PLEKHA5: variants seen among roughly 807,000 people sequenced by gnomAD.
PLEKHA5 encodes pleckstrin homology domain containing A5, also known as pleckstrin homology domain-containing family A member 5.
In PLEKHA5, 55 loss-of-function variants were observed where a neutral mutation model predicts 181.9. The ratio of observed to expected loss-of-function variants is 0.30; its 90% CI spans 0.24 to 0.38. The LOEUF is 0.38. Among genes scored for constraint, PLEKHA5 ranks in the 10% least tolerant of loss-of-function variants. PLEKHA5 has a pLI of 1.00. For missense variants in PLEKHA5, 1,432 were observed against 1,549.5 expected, an observed-to-expected ratio of 0.92 and a Z score of 1.27; for synonymous variants, 535 against 529.4, an observed-to-expected ratio of 1.01 and a Z score of -0.15.
At chr12:19,344,951 A>G (rs1389534235) in intron 22 of PLEKHA5, among the ~76,000 whole-genome samples, 5 of 150,836 alleles carry the variant, frequency 3.3e-5, no homozygotes, top group Admixed American at 6.6e-5. Flanking sequence ...TCTACTGAAA[A>G]AAAAAAAAAA....
intron 3 of PLEKHA5, among the ~76,000 whole-genome samples, chr12:19,236,079 A>G (rs1388109126): frequency 2.6e-5 from 4 of 152,210 alleles, no homozygotes; most frequent in African/African-American, 9.6e-5. Context: ...TGACATGGAA[A>G]CCTGTCCACA....
At chr12:19,280,460 T>C (rs866622296) in intron 11 of PLEKHA5, among the ~76,000 whole-genome samples, 1 of 152,268 alleles carries the variant, frequency 6.6e-6, no homozygotes, top group South Asian at 2.1e-4. Flanking sequence ...AAGAGTATGG[T>C]CAAATGATTT....
At chr12:19,331,680 C>G (rs1035352012) in intron 20 of PLEKHA5, among the ~76,000 whole-genome samples, 1 of 152,066 alleles carries the variant, frequency 6.6e-6, no homozygotes, top group East Asian at 1.9e-4. Context: ...TAGAAGTAAG[C>G]ACTATTAAAA....
At chr12:19,167,695 A>G (rs1306723164) in intron 3 of PLEKHA5, among the ~76,000 whole-genome samples, 1 of 152,028 alleles carries the variant, frequency 6.6e-6, no homozygotes, top group Non-Finnish European at 1.5e-5. Flanking sequence ...TGGTCGTTGT[A>G]CTTATGGAGT....
rs556729755 is a variant in PLEKHA5 at position 19,343,464 on chromosome 12, C to G, written c.2662+30C>G. The G allele has an allele frequency of 1.2e-3, 1,422 of 1,223,576 alleles. 23 individuals are homozygous for G. In the South Asian group the frequency reaches 0.017, roughly 14 times the overall value. 75.8% of individuals were successfully genotyped at this position (1,223,576 alleles called of 1,614,324 possible). On this transcript the variant is annotated intron_variant, in intron 22 of 31. Coordinates refer to ENST00000429027, the MANE Select transcript of PLEKHA5 (RefSeq NM_001256470.2). ...ATTAGCTTTGCATTTTATTTTGTGA[C>G]TGACCACAGTATTACAGTCATGTGT...
intron 11 of PLEKHA5, among the ~76,000 whole-genome samples, chr12:19,280,911 A>G (rs2075971144): frequency 6.6e-6 from 1 of 151,680 alleles, no homozygotes; most frequent in East Asian, 2.0e-4. Flanking sequence ...GGGTTTCACC[A>G]TGTTGGCCAA....
chr12:19,301,862 G>C (rs1056228516), intron 15 of PLEKHA5, among the ~76,000 whole-genome samples: 2 of 152,150 alleles, frequency 1.3e-5, no homozygotes, highest in Admixed American at 6.5e-5. Context: ...TCCTGTTGAA[G>C]AGTGGTTTCA....
At chr12:19,209,530 A>C (rs1242913101) in intron 3 of PLEKHA5, among the ~76,000 whole-genome samples, 2 of 152,320 alleles carry the variant, frequency 1.3e-5, no homozygotes, top group South Asian at 2.1e-4. Context: ...TGAGTGCCAA[A>C]ACTGTTGCAC....
intron 3 of PLEKHA5, among the ~76,000 whole-genome samples, chr12:19,209,805 A>G (rs538928939): frequency 3.9e-5 from 6 of 152,292 alleles, no homozygotes; most frequent in African/African-American, 1.4e-4. Flanking sequence ...TGACTTTCTC[A>G]AGGGCCAAGG....
intron 3 of PLEKHA5, among the ~76,000 whole-genome samples, chr12:19,244,257 T>C (rs1030530088): frequency 6.6e-6 from 1 of 151,334 alleles, no homozygotes; most frequent in Non-Finnish European, 1.5e-5. Flanking sequence ...TAATTGTTTT[T>C]AATAGAGTAA....
intron 30 of PLEKHA5, among the ~76,000 whole-genome samples, chr12:19,368,284 A>G (rs868037839): frequency 6.6e-6 from 1 of 151,966 alleles, no homozygotes; most frequent in African/African-American, 2.4e-5. Flanking sequence ...TGAGCTCAGG[A>G]GTTCAAGACC....
chr12:19,285,363 A>G (rs575361442), intron 12 of PLEKHA5, among the ~76,000 whole-genome samples: 3 of 152,286 alleles, frequency 2.0e-5, no homozygotes, highest in African/African-American at 7.2e-5. Context: ...AGATGAATCT[A>G]TATTCTCTAT....
rs142470511 is a variant in PLEKHA5 at position 19,338,478 on chromosome 12, G to A, written c.2550+1862G>A. 2.7e-3 allele frequency among the ~76,000 whole-genome samples: 414 copies of A among 152,114 alleles called. 5 individuals carry two copies. Among genetic ancestry groups the A allele is most frequent in the Middle Eastern group, 0.01 (3 of 294 alleles). ...CTACAAAAATACAAAAATTAGCTGG[G>A]CACTTGTGGTCCCAGCTACTTGGAA... On this transcript the variant is annotated intron_variant, in intron 21 of 31. Coordinates refer to ENST00000429027, the MANE Select transcript of PLEKHA5 (RefSeq NM_001256470.2).
chr12:19,151,299 A>C (rs2040329729), intron 3 of PLEKHA5: 1 of 152,290 alleles, frequency 6.6e-6, no homozygotes. Flanking sequence ...GTAAGATAGA[A>C]GGTGGACTGT....
At chr12:19,316,205 A>G (rs1162070603) in intron 16 of PLEKHA5, among the ~76,000 whole-genome samples, 1 of 152,124 alleles carries the variant, frequency 6.6e-6, no homozygotes. Flanking sequence ...ATGAGATCAA[A>G]GGGATTTTGT....
chr12:19,340,192 G>A (rs570331665), intron 21 of PLEKHA5, among the ~76,000 whole-genome samples: 2 of 152,180 alleles, frequency 1.3e-5, no homozygotes, highest in African/African-American at 4.8e-5. Context: ...AGATTTGCAA[G>A]GAAGTTTTTC....
chr12:19,340,585 A>T (rs2093820658), intron 21 of PLEKHA5, among the ~76,000 whole-genome samples: 1 of 147,390 alleles, frequency 6.8e-6, no homozygotes. Context: ...GACATGGGAG[A>T]CTTTTCATTT....
At chr12:19,284,313 C>T (rs1314804001) in intron 12 of PLEKHA5, among the ~76,000 whole-genome samples, 2 of 152,162 alleles carry the variant, frequency 1.3e-5, no homozygotes, top group East Asian at 3.9e-4. Context: ...AAGTGACCCA[C>T]TGGCCTCAGC....
In PLEKHA5 at chr12:19,287,642, A is replaced by G. The variant is rs1245401492; in HGVS notation, c.1863+86A>G. 4 of 772,654 alleles carry G rather than the reference A, an allele frequency of 5.2e-6. No homozygotes were observed. In the East Asian group the frequency reaches 1.0e-4, roughly 20 times the overall value. 47.9% of individuals were successfully genotyped at this position (772,654 alleles called of 1,614,324 possible). ...TATCTAACATAATTTTTAAGTTTGA[A>G]TTTTCAGAGGTTCTCCCAAAGAAAA... is the stretch of plus-strand genomic sequence containing the variant. On this transcript the variant is annotated intron_variant, in intron 13 of 31. Transcript: ENST00000429027.
Sources: gnomAD v4.1 joint callset for allele counts (sites outside exome capture counted in the v4.1 genomes callset) on GRCh38, gnomAD v4.1.1 for gene constraint, MANE v1.5 for transcripts, NCBI Gene and HGNC (gene_info 2026-07-23, HGNC 2026-07-21) for gene names.